ACAD9: variants seen among roughly 807,000 people sequenced by gnomAD.
The protein encoded by ACAD9 is complex I assembly factor ACAD9, mitochondrial.
ACAD9 carries 53 observed loss-of-function variants against 70.2 expected under a neutral mutation model. The observed-to-expected ratio is 0.75, with a 90% CI of 0.61 to 0.95. ACAD9 has a LOEUF of 0.95. Among genes scored for constraint, ACAD9 ranks in the 40% least tolerant of loss-of-function variants. The pLI is 0.00. For missense variants in ACAD9, 777 were observed against 802.8 expected (o/e 0.97, Z 0.39); for synonymous variants, 313 against 312.1 (o/e 1.00, Z -0.03).
intron 6 of ACAD9, among the ~76,000 whole-genome samples, 171 bp downstream of exon 6, chr3:128,897,881 A>G (rs1398873338): frequency 2.0e-5 from 3 of 151,704 alleles, no homozygotes; most frequent in Non-Finnish European, 4.4e-5. Flanking sequence ...TTTATTTGCG[A>G]TGGAGTCTCT....
chr3:128,896,570 G>A, intron 5 of ACAD9, 34 bp downstream of exon 5: 1 of 1,608,330 alleles, frequency 6.2e-7, no homozygotes, highest in Non-Finnish European at 8.5e-7. Context: ...TCCCTCAGCA[G>A]CTGTGATGTT....
intron 1 of ACAD9, chr3:128,880,151 T>G (rs1935045405): frequency 1.3e-6 from 1 of 756,454 alleles, no homozygotes; most frequent in Admixed American, 3.1e-5. Context: ...TGGTCTGGTC[T>G]GGAAATGTGC....
chr3:128,909,323 G>A (rs1451732071), intron 14 of ACAD9, 21 bp from the exon 15 acceptor site: 1 of 1,613,666 alleles, frequency 6.2e-7, no homozygotes, highest in Non-Finnish European at 8.5e-7. Context: ...GTGCTGAACT[G>A]AGTCCTGTCT....
chr3:128,897,348 A>G (rs1340068876), intron 5 of ACAD9, among the ~76,000 whole-genome samples: 2 of 151,928 alleles, frequency 1.3e-5, no homozygotes, highest in Non-Finnish European at 2.9e-5. Context: ...CACCCAGCTA[A>G]TTTTTGTATT....
chr3:128,895,774 C>T (rs1225908294), intron 4 of ACAD9, among the ~76,000 whole-genome samples: 4 of 152,226 alleles, frequency 2.6e-5, no homozygotes, highest in Non-Finnish European at 4.4e-5. Flanking sequence ...TTTATGCAAG[C>T]CACCTTCTCC....
intron 2 of ACAD9, among the ~76,000 whole-genome samples, chr3:128,891,129 G>A (rs796689278): frequency 3.4e-4 from 52 of 152,006 alleles, no homozygotes; most frequent in African/African-American, 1.3e-3. Flanking sequence ...TTGAGCCACC[G>A]TGCCCGGCCA....
At chr3:128,888,635 C>G (rs190752898) in intron 2 of ACAD9, among the ~76,000 whole-genome samples, 1 of 152,144 alleles carries the variant, frequency 6.6e-6, no homozygotes, top group Admixed American at 6.5e-5. Flanking sequence ...CAGCTCAGGT[C>G]CCCCAGAACC....
Position 128,895,854 on chromosome 3 carries a change from AT to A in ACAD9, c.453+440del, listed in dbSNP as rs774353222. On this transcript the variant is annotated intron_variant, in intron 4 of 17. Coordinates refer to ENST00000308982, the MANE Select transcript of ACAD9 (RefSeq NM_014049.5). ...CCTTACTGGCAATCTCATTACTCAGATTATTTCTGCTTAATGTTGACATCAA... is the reference window on the plus strand; with the variant it reads ...CCTTACTGGCAATCTCATTACTCAGATATTTCTGCTTAATGTTGACATCAA... Among the ~76,000 whole-genome samples the A allele has an allele frequency of 1.3e-4, 20 of 152,338 alleles. 1 individual carries two copies. The highest frequency in any genetic ancestry group is 4.6e-4 in the Admixed American group (7 of 15,294).
intron 8 of ACAD9, 36 bp downstream of exon 8, chr3:128,901,385 T>C (rs1704864155): frequency 6.2e-7 from 1 of 1,610,010 alleles, no homozygotes; most frequent in Non-Finnish European, 8.5e-7. Context: ...TACCAGGTAG[T>C]GTCATGAGTG....
chr3:128,906,998 AGT>A (rs1486160494), intron 12 of ACAD9, among the ~76,000 whole-genome samples: 1 of 151,918 alleles, frequency 6.6e-6, no homozygotes, highest in Non-Finnish European at 1.5e-5. Flanking sequence ...TCATGTGGAG[AGT>A]GAGTTGCAGG....
In ACAD9 at chr3:128,898,412, C is replaced by A. The variant is rs1412510658; in HGVS notation, c.633+702C>A. 1.1e-5 allele frequency: 5 copies of A among 453,180 alleles called. No homozygotes were observed. In the Admixed American group the frequency reaches 1.2e-4, roughly 11 times the overall value. 28.1% of individuals were successfully genotyped at this position (453,180 alleles called of 1,614,324 possible). Reference sequence around the variant, plus strand: ...ATCACATTTTAAAAATTGATAATTTCTCTTTTCTTTTGAGACAGGGTCCCG... The same window carrying A: ...ATCACATTTTAAAAATTGATAATTTATCTTTTCTTTTGAGACAGGGTCCCG... On this transcript the variant is annotated intron_variant, in intron 6 of 17. Coordinates refer to ENST00000308982, the MANE Select transcript of ACAD9 (RefSeq NM_014049.5).
chr3:128,903,449 G>C lies in ACAD9; in HGVS notation c.959-613G>C, dbSNP rs532939951. Among the ~76,000 whole-genome samples the C allele has an allele frequency of 3.7e-3, 565 of 152,322 alleles. 3 individuals carry two copies. The highest frequency in any genetic ancestry group is 0.02 in the Middle Eastern group (6 of 294). ...AGCTCCTCTGCTGGGGCTCTGAGTG[G>C]GGCTCGGCCCTCTACACCTCCTGAG... is the stretch of plus-strand genomic sequence containing the variant. On this transcript the variant is annotated intron_variant, in intron 9 of 17. Coordinates refer to ENST00000308982, the MANE Select transcript of ACAD9 (RefSeq NM_014049.5).
intron 16 of ACAD9, chr3:128,910,416 C>T (rs922656083): frequency 4.4e-5 from 59 of 1,354,754 alleles, no homozygotes; most frequent in South Asian, 8.9e-5. Flanking sequence ...GCACATTGCC[C>T]GCTGTGCTGG....
intron 6 of ACAD9, among the ~76,000 whole-genome samples, chr3:128,898,153 C>T (rs752586686): frequency 2.0e-5 from 3 of 152,084 alleles, no homozygotes; most frequent in East Asian, 1.9e-4. Context: ...CCACTGTGCC[C>T]GGCTTGTAAA....
chr3:128,879,879 C>T, intron 1 of ACAD9, 38 bp downstream of exon 1: 1 of 1,613,610 alleles, frequency 6.2e-7, no homozygotes, highest in South Asian at 1.1e-5. Flanking sequence ...CTGTCTGGCT[C>T]CCGCTTTTCA....
At chr3:128,889,261 G>A (rs148533717) in intron 2 of ACAD9, among the ~76,000 whole-genome samples, 66 of 151,770 alleles carry the variant, frequency 4.3e-4, no homozygotes, top group African/African-American at 1.3e-3. Flanking sequence ...TGATCCTCCC[G>A]CCTCAGCCTT....
chr3:128,892,508 AT>A (rs1054932799), intron 2 of ACAD9, among the ~76,000 whole-genome samples: 7 of 152,252 alleles, frequency 4.6e-5, no homozygotes, highest in African/African-American at 1.7e-4. Flanking sequence ...TATGCTATTG[AT>A]TGTTCAGTTT....
chr3:128,896,766 AT>A (rs1935581821), intron 5 of ACAD9, among the ~76,000 whole-genome samples: 1 of 152,180 alleles, frequency 6.6e-6, no homozygotes, highest in African/African-American at 2.4e-5. Context: ...TATTAAATAA[AT>A]TTTTGTGGTT....
intron 6 of ACAD9, 116 bp downstream of exon 6, chr3:128,897,826 C>G: frequency 7.5e-6 from 7 of 935,162 alleles, no homozygotes; most frequent in Non-Finnish European, 1.2e-5. Flanking sequence ...CGACTACCTT[C>G]TTGAGCTGCT....
Sources: allele counts gnomAD v4.1 joint callset (sites outside exome capture counted in the v4.1 genomes callset), GRCh38; gene constraint gnomAD v4.1.1; transcripts MANE v1.5; gene names NCBI Gene and HGNC (gene_info 2026-07-23, HGNC 2026-07-21).